Variants in CDC14A observed in about 807,000 individuals in gnomAD.
The protein encoded by CDC14A is dual specificity protein phosphatase CDC14A.
A neutral mutation model predicts 74.4 loss-of-function variants in CDC14A; 53 were observed. The observed-to-expected ratio is 0.71, with a 90% CI of 0.57 to 0.89. The LOEUF (loss-of-function observed/expected upper bound fraction) is 0.89, where lower values mean the gene tolerates loss of function less well. Among genes scored for constraint, CDC14A ranks in the 40% least tolerant of loss-of-function variants. The pLI, the probability that CDC14A is intolerant of heterozygous loss-of-function variation, is 0.00. For missense variants in CDC14A, 646 were observed against 713.7 expected, an observed-to-expected ratio of 0.91 and a Z score of 1.08; for synonymous variants, 247 against 258.4, an observed-to-expected ratio of 0.96 and a Z score of 0.43.
intron 3 of CDC14A, among the ~76,000 whole-genome samples, chr1:100,385,875 T>C (rs1252233274): frequency 1.3e-5 from 2 of 152,166 alleles, no homozygotes; most frequent in Non-Finnish European, 2.9e-5. Flanking sequence ...CTATGTCCAC[T>C]TCAGTTTAGA....
At chr1:100,514,681 A>G (rs2054827307) in intron 15 of CDC14A, among the ~76,000 whole-genome samples, 1 of 152,194 alleles carries the variant, frequency 6.6e-6, no homozygotes, top group Admixed American at 6.5e-5. Flanking sequence ...CAGTTTCCTC[A>G]TCTGTAAAGT....
chr1:100,479,074 A>G (rs1458081515), intron 10 of CDC14A, among the ~76,000 whole-genome samples: 1 of 152,224 alleles, frequency 6.6e-6, no homozygotes, highest in Non-Finnish European at 1.5e-5. Context: ...TTTGGTGCCA[A>G]TAGTATTTCG....
At chr1:100,382,542 A>G (rs1243604360) in intron 3 of CDC14A, among the ~76,000 whole-genome samples, 1 of 151,824 alleles carries the variant, frequency 6.6e-6, no homozygotes, top group Non-Finnish European at 1.5e-5. Flanking sequence ...TTGGCCGTCA[A>G]TACAGTTTTA....
intron 8 of CDC14A, among the ~76,000 whole-genome samples, chr1:100,457,627 T>G (rs975214411): frequency 8.1e-6 from 1 of 123,782 alleles, no homozygotes; most frequent in Non-Finnish European, 1.7e-5. Context: ...ACCTGGCTGG[T>G]TTTTTTTTTT....
chr1:100,485,903 T>G (rs1352268662), intron 11 of CDC14A: 1 of 152,258 alleles, frequency 6.6e-6, no homozygotes, highest in Admixed American at 6.5e-5. Context: ...GCTGATGAGG[T>G]GACTAAGTTT....
At chr1:100,409,424 C>G (rs759688610) in intron 4 of CDC14A, among the ~76,000 whole-genome samples, 14 of 152,198 alleles carry the variant, frequency 9.2e-5, no homozygotes, top group Non-Finnish European at 1.9e-4. Context: ...AGAGTCTTAA[C>G]TCATTTCAGC....
rs1056734478 is a variant in CDC14A, at chr1:100,497,954, G to A, written c.1299-131G>A. The A allele has an allele frequency of 2.0e-5, 18 of 882,180 alleles. No individual in the cohort carries two copies. The Middle Eastern group carries it at 7.8e-4, about 38-fold the overall frequency. The allele number at this position is 882,180 out of a possible 1,614,324, so 54.6% of individuals were successfully genotyped here. A position where few individuals can be genotyped will look rare whatever the true frequency, so the allele number is the denominator to read the frequency against. ...TAGTGCTGTGTCAGTGGTGGCTGCC[G>A]CTGCTGTCATCACTATTAGGACCTG... is the stretch of plus-strand genomic sequence containing the variant. On this transcript the variant is annotated intron_variant, in intron 13 of 15. Coordinates refer to ENST00000336454, the MANE Select transcript of CDC14A (RefSeq NM_003672.4).
intron 11 of CDC14A, among the ~76,000 whole-genome samples, chr1:100,487,170 A>G (rs1455796521): frequency 6.6e-6 from 1 of 152,236 alleles, no homozygotes; most frequent in Non-Finnish European, 1.5e-5. Context: ...TTAAAAGCAG[A>G]GATTCTAAAT....
At chr1:100,429,810 A>C (rs182466068) in intron 5 of CDC14A, among the ~76,000 whole-genome samples, 1 of 150,414 alleles carries the variant, frequency 6.6e-6, no homozygotes, top group Admixed American at 6.6e-5. Flanking sequence ...AAAACTCTCC[A>C]TCTTGGAGAT....
At chr1:100,487,559 C>G (rs1179940082) in intron 11 of CDC14A, among the ~76,000 whole-genome samples, 1 of 52,662 alleles carries the variant, frequency 1.9e-5, no homozygotes, top group East Asian at 6.4e-4. Flanking sequence ...GACTCGGTCT[C>G]AAAAACAAAA....
chr1:100,513,607 T>G (rs6689558), intron 15 of CDC14A, among the ~76,000 whole-genome samples: 1 of 152,212 alleles, frequency 6.6e-6, no homozygotes, highest in Non-Finnish European at 1.5e-5. Flanking sequence ...CATTATTCTT[T>G]ATAATTTGCT....
intron 13 of CDC14A, among the ~76,000 whole-genome samples, chr1:100,497,010 C>A (rs1483939108): frequency 1.3e-5 from 2 of 152,156 alleles, no homozygotes; most frequent in Admixed American, 1.3e-4. Context: ...ATTGTGCTAG[C>A]CACTGGGAAT....
intron 3 of CDC14A, among the ~76,000 whole-genome samples, chr1:100,383,062 G>C (rs1056144348): frequency 1.3e-5 from 2 of 152,152 alleles, no homozygotes; most frequent in African/African-American, 4.8e-5. Flanking sequence ...GGTTTGTGGG[G>C]AAGAAAAGCA....
At position 100,499,211 on chromosome 1, in the gene CDC14A, C is replaced by T. The variant is rs1474830564; in HGVS notation, c.1704C>T (p.Ser568=). 1 of 1,614,208 alleles carries T rather than the reference C, an allele frequency of 6.2e-7. No individual in the cohort carries two copies. The highest frequency in any genetic ancestry group is 8.5e-7 in the Non-Finnish European group (1 of 1,180,024). ...TEEHTTILRP[S]YTGLSSSSAR... is the part of the protein sequence containing the mutation. ...AGCACACCACCATCCTCCGACCCTCCTACACCGGGCTTTCTTCTTCTTCAG... is the reference window on the plus strand; with the variant it reads ...AGCACACCACCATCCTCCGACCCTCTTACACCGGGCTTTCTTCTTCTTCAG... The change falls in exon 15 of 16, where the codon TCC becomes TCT. Residue 568 remains serine, a synonymous_variant. Coordinates refer to ENST00000336454, the MANE Select transcript of CDC14A (RefSeq NM_003672.4).
At chr1:100,351,123 G>A (rs756060858), upstream of CDC14A, among the ~76,000 whole-genome samples, 29 of 152,124 alleles carry the variant, frequency 1.9e-4, no homozygotes, top group Non-Finnish European at 3.8e-4. Context: ...GTACTCGGGA[G>A]GTGGAGATTG....
chr1:100,493,621 T>C (rs1353810994), intron 11 of CDC14A, among the ~76,000 whole-genome samples: 1 of 152,248 alleles, frequency 6.6e-6, no homozygotes, highest in Non-Finnish European at 1.5e-5. Context: ...ATCCTGTGAC[T>C]GTTGAGCTGG....
At position 100,392,092 on chromosome 1, in the gene CDC14A, A is replaced by T. The variant is rs539735514; in HGVS notation, c.309+1268A>T. On this transcript the variant is annotated intron_variant, in intron 4 of 15. Transcript: ENST00000336454. Reference sequence around the variant, plus strand: ...TCCGCAAAATGAGAGGGTTGGATGTAATGACCCCTACATTTCCTTTCAGTT... The same window carrying T: ...TCCGCAAAATGAGAGGGTTGGATGTTATGACCCCTACATTTCCTTTCAGTT... Among the ~76,000 whole-genome samples the T allele has an allele frequency of 2.0e-5, 3 of 152,326 alleles. No homozygotes were observed. In the Middle Eastern group the frequency reaches 0.01, roughly 518 times the overall value.
rs749778551 is a variant in CDC14A, at chr1:100,455,469, A to G, written c.584A>G (p.His195Arg). 17 of 1,592,700 alleles carry G rather than the reference A, an allele frequency of 1.1e-5. No individual in the cohort carries two copies. In the African/African-American group the frequency reaches 2.2e-4, roughly 20 times the overall value. The change falls in exon 8 of 16, where the codon CAT becomes CGT. Residue 195 changes from histidine to arginine, a missense_variant. Coordinates refer to ENST00000336454, the MANE Select transcript of CDC14A (RefSeq NM_003672.4). The part of the protein sequence containing the change: ...PGKFLAFSGP[H>R]PKSKIENGYP... ...AAATTTTTAGCATTTAGTGGACCAC[A>G]TCCTAAAAGCAAAATTGAGAATGGT...
chr1:100,429,234 T>C lies in CDC14A; in HGVS notation c.389+4933T>C, dbSNP rs656162. Reference sequence around the variant, plus strand: ...ATAAATAAATAAATAAATAAATAAATATAAAATAAAATGACATATACAATT... The same window carrying C: ...ATAAATAAATAAATAAATAAATAAACATAAAATAAAATGACATATACAATT... On this transcript the variant is annotated intron_variant, in intron 5 of 15. Coordinates refer to ENST00000336454, the MANE Select transcript of CDC14A (RefSeq NM_003672.4). 1.4e-4 allele frequency among the ~76,000 whole-genome samples: 20 copies of C among 146,498 alleles called. No homozygotes were observed. The South Asian group carries it at 1.5e-3, about 11-fold the overall frequency.
Sources: allele counts gnomAD v4.1 joint callset (sites outside exome capture counted in the v4.1 genomes callset), GRCh38; gene constraint gnomAD v4.1.1; transcripts MANE v1.5; gene names NCBI Gene and HGNC (gene_info 2026-07-23, HGNC 2026-07-21).